The following EFCAB13 variants were observed in gnomAD, a reference collection of about 807,000 sequenced individuals.
The protein encoded by EFCAB13 is EF-hand calcium-binding domain-containing protein 13.
A neutral mutation model predicts 110.2 loss-of-function variants in EFCAB13; 91 were observed. That is an observed-to-expected ratio of 0.83 (90% CI 0.70 to 0.98). EFCAB13 has a LOEUF of 0.98. EFCAB13 is among the 50% of genes least tolerant of loss of function. EFCAB13 has a pLI of 0.00. For synonymous variants in EFCAB13, 323 were observed against 369.9 expected, an observed-to-expected ratio of 0.87 and a Z score of 1.45; for missense variants, 968 against 1,119.4, an observed-to-expected ratio of 0.86 and a Z score of 1.93.
At chr17:47,417,682 AT>A (rs1904497223) in intron 23 of EFCAB13, among the ~76,000 whole-genome samples, 2 of 151,590 alleles carry the variant, frequency 1.3e-5, no homozygotes, top group African/African-American at 2.4e-5. Flanking sequence ...ACCCTTCACC[AT>A]TTTTTTTCTC....
At chr17:47,325,641 T>A in intron 2 of EFCAB13, among the ~76,000 whole-genome samples, 1 of 152,022 alleles carries the variant, frequency 6.6e-6, no homozygotes, top group African/African-American at 2.4e-5. Flanking sequence ...CTTTTCTTTC[T>A]GGCTGAAATG....
At chr17:47,407,427 C>T (rs536224044) in intron 20 of EFCAB13, among the ~76,000 whole-genome samples, 2 of 151,976 alleles carry the variant, frequency 1.3e-5, no homozygotes, top group Admixed American at 6.6e-5. Context: ...CTGCCTTATT[C>T]GACAGTGTAG....
At chr17:47,428,859 G>A (rs893460369) in intron 23 of EFCAB13, among the ~76,000 whole-genome samples, 2 of 151,990 alleles carry the variant, frequency 1.3e-5, no homozygotes, top group Non-Finnish European at 2.9e-5. Context: ...TTGTTATTAT[G>A]TAAGAGAATG....
intron 5 of EFCAB13, 74 bp from the exon 6 acceptor site, chr17:47,341,847 A>G: frequency 2.3e-6 from 2 of 872,176 alleles, no homozygotes; most frequent in Non-Finnish European, 3.5e-6. Flanking sequence ...ATGTTAGAAA[A>G]TTTCCATAAT....
intron 23 of EFCAB13, among the ~76,000 whole-genome samples, chr17:47,422,823 A>G (rs935776823): frequency 5.3e-5 from 8 of 152,184 alleles, no homozygotes; most frequent in Non-Finnish European, 8.8e-5. Flanking sequence ...TGAGCTATAT[A>G]TTCAATGCAA....
intron 14 of EFCAB13, among the ~76,000 whole-genome samples, chr17:47,382,108 C>T (rs934732080): frequency 6.6e-5 from 10 of 152,082 alleles, no homozygotes; most frequent in African/African-American, 2.4e-4. Flanking sequence ...ATTTTATTCT[C>T]TTTGTAGCAA....
rs1372684708 is a variant in EFCAB13, at chr17:47,412,829, C to T, written c.2335C>T (p.Pro779Ser). The T allele has an allele frequency of 2.5e-6, 4 of 1,613,526 alleles. No individual in the cohort carries two copies. Among genetic ancestry groups the T allele is most frequent in the African/African-American group, 1.3e-5 (1 of 74,864 alleles). Residue 779 changes from proline (P) to serine (S), a missense_variant, in exon 22 of 25, where the codon CCT (proline) becomes TCT (serine). Transcript: ENST00000331493. ...TGTCGATAATGGCAAGATTGGTATACCTGATTTGGAGCATGCCTTGAAATG... is the reference window on the plus strand; with the variant it reads ...TGTCGATAATGGCAAGATTGGTATATCTGATTTGGAGCATGCCTTGAAATG... Reference protein sequence around the residue: ...SHVDNGKIGIPDLEHALKCLN... With the variant: ...SHVDNGKIGISDLEHALKCLN...
In EFCAB13 at chr17:47,350,783, G is replaced by A. The variant is rs149245078; in HGVS notation, c.661+2832G>A. On this transcript the variant is annotated intron_variant, in intron 9 of 24. Coordinates refer to ENST00000331493, the MANE Select transcript of EFCAB13 (RefSeq NM_152347.5). ...AATAAAGTGGTTGGAAAGGGTATTC[G>A]TATTAATGGTAGAAACAGTACCTCC... 7.7e-4 allele frequency among the ~76,000 whole-genome samples: 117 copies of A among 152,112 alleles called. 2 individuals are homozygous for A. The East Asian group carries it at 0.022, about 29-fold the overall frequency.
At chr17:47,423,961 G>C (rs903924123) in intron 23 of EFCAB13, among the ~76,000 whole-genome samples, 5 of 151,852 alleles carry the variant, frequency 3.3e-5, no homozygotes, top group African/African-American at 4.8e-5. Context: ...TCTCGGCCTC[G>C]GGAGGGAGGG....
intron 9 of EFCAB13, among the ~76,000 whole-genome samples, chr17:47,356,912 G>T (rs758688830): frequency 2.6e-5 from 4 of 152,220 alleles, no homozygotes; most frequent in Admixed American, 1.3e-4. Context: ...TGCAGCTGCT[G>T]TCGGGGTGAA....
At chr17:47,336,766 T>G (rs994189172) in intron 5 of EFCAB13, among the ~76,000 whole-genome samples, 1 of 152,120 alleles carries the variant, frequency 6.6e-6, no homozygotes, top group African/African-American at 2.4e-5. Flanking sequence ...TAGCAGTTCT[T>G]TCTTGTATAC....
chr17:47,432,330 G>A (rs1393714704), intron 24 of EFCAB13, among the ~76,000 whole-genome samples: 1 of 151,944 alleles, frequency 6.6e-6, no homozygotes, highest in Non-Finnish European at 1.5e-5. Context: ...CCCGGGAGGT[G>A]GAGCTTGCAA....
intron 14 of EFCAB13, among the ~76,000 whole-genome samples, chr17:47,385,130 T>C (rs1022145828): frequency 3.9e-5 from 6 of 152,166 alleles, no homozygotes; most frequent in Non-Finnish European, 5.9e-5. Flanking sequence ...TTAGGGTTGC[T>C]CTTCTCAAGG....
intron 18 of EFCAB13, among the ~76,000 whole-genome samples, chr17:47,403,120 G>A (rs2065787436): frequency 6.6e-6 from 1 of 152,204 alleles, no homozygotes; most frequent in African/African-American, 2.4e-5. Context: ...AATAGAAAGT[G>A]AGGCAGGACA....
intron 20 of EFCAB13, among the ~76,000 whole-genome samples, chr17:47,405,199 C>T (rs1302285840): frequency 6.6e-6 from 1 of 152,104 alleles, no homozygotes; most frequent in East Asian, 1.9e-4. Context: ...ATAATTTTGT[C>T]CACAATACTT....
rs117804847 is a variant in EFCAB13 at position 47,356,722 on chromosome 17, A to G, written c.662-4656A>G. Among the ~76,000 whole-genome samples the G allele has an allele frequency of 9.5e-3, 1,451 of 152,342 alleles. 9 individuals carry two copies. The highest frequency in any genetic ancestry group is 0.017 in the Non-Finnish European group (1,127 of 68,024). Reference sequence around the variant, plus strand: ...CAGGAGGTGGCACTTTCAAGAGCACATCAGCTGCAGTAGTATAGGGAGATT... The same window carrying G: ...CAGGAGGTGGCACTTTCAAGAGCACGTCAGCTGCAGTAGTATAGGGAGATT... On this transcript the variant is annotated intron_variant, in intron 9 of 24. Transcript: ENST00000331493.
At position 47,347,920 on chromosome 17, in the gene EFCAB13, G is replaced by T; in HGVS notation, c.630G>T (p.Met210Ile). ...ILRISISDLE[M>I]RQALKTVDID... is the part of the protein sequence containing the mutation. ...GAATTTCTATAAGTGATTTAGAAATGCGACAGGCACTAAAGACTGTTGATA... is the reference window on the plus strand; with the variant it reads ...GAATTTCTATAAGTGATTTAGAAATTCGACAGGCACTAAAGACTGTTGATA... Residue 210 changes from methionine (M) to isoleucine (I), a missense_variant, in exon 9 of 25, where the codon ATG becomes ATT. By Grantham distance (10) the Met-to-Ile change is conservative. Coordinates refer to ENST00000331493, the MANE Select transcript of EFCAB13 (RefSeq NM_152347.5). 1 of 1,536,274 alleles carries T rather than the reference G, an allele frequency of 6.5e-7. No homozygotes were observed. The highest frequency in any genetic ancestry group is 8.9e-7 in the Non-Finnish European group (1 of 1,129,014).
intron 14 of EFCAB13, among the ~76,000 whole-genome samples, chr17:47,389,236 C>T (rs1190421807): frequency 6.6e-6 from 1 of 152,112 alleles, no homozygotes; most frequent in African/African-American, 2.4e-5. Flanking sequence ...TGTGGTCTCC[C>T]TGTGTTGCTC....
At chr17:47,391,336 T>C (rs1418601946) in intron 14 of EFCAB13, 101 bp from the exon 15 acceptor site, 2 of 856,102 alleles carry the variant, frequency 2.3e-6, no homozygotes, top group African/African-American at 3.6e-5. Context: ...AAGTGATTTA[T>C]ATTTTTGTTA....
Sources: allele counts gnomAD v4.1 joint callset (sites outside exome capture counted in the v4.1 genomes callset), GRCh38; gene constraint gnomAD v4.1.1; transcripts MANE v1.5; gene names NCBI Gene and HGNC (gene_info 2026-07-23, HGNC 2026-07-21).